Variants in TNIK observed in about 807,000 individuals in gnomAD.
The protein encoded by TNIK is TRAF2 and NCK interacting kinase.
In TNIK, 49 loss-of-function variants were observed where a neutral mutation model predicts 191.3. The observed-to-expected ratio is 0.26, with a 90% CI of 0.20 to 0.32. The LOEUF is 0.32. TNIK is among the 10% of genes least tolerant of loss of function. The pLI, the probability that TNIK is intolerant of heterozygous loss-of-function variation, is 1.00. For synonymous variants in TNIK, 594 were observed against 600.9 expected, an observed-to-expected ratio of 0.99 and a Z score of 0.17; for missense variants, 1,155 against 1,702.3, an observed-to-expected ratio of 0.68 and a Z score of 5.66.
intron 2 of TNIK, among the ~76,000 whole-genome samples, chr3:171,252,005 G>A (rs1337540761): frequency 8.0e-6 from 1 of 125,698 alleles, no homozygotes; most frequent in East Asian, 2.1e-4. Context: ...CATTTTTGAA[G>A]GAAATACGTG....
At chr3:171,434,654 C>A (rs1725802916) in intron 1 of TNIK, among the ~76,000 whole-genome samples, 1 of 151,866 alleles carries the variant, frequency 6.6e-6, no homozygotes, top group African/African-American at 2.4e-5. Flanking sequence ...GAGACAGGGT[C>A]TTTCTATGTT....
intron 4 of TNIK, among the ~76,000 whole-genome samples, chr3:171,202,625 A>T (rs1739556630): frequency 6.6e-6 from 1 of 152,234 alleles, no homozygotes; most frequent in Admixed American, 6.5e-5. Context: ...CTTTGGGACA[A>T]AAGAAGAGAT....
intron 1 of TNIK, among the ~76,000 whole-genome samples, chr3:171,452,055 G>A (rs897037225): frequency 5.3e-5 from 8 of 152,186 alleles, no homozygotes; most frequent in African/African-American, 1.9e-4. Context: ...TAGAGAGACA[G>A]CACTTTAAAA....
intron 7 of TNIK, among the ~76,000 whole-genome samples, chr3:171,178,695 A>G (rs1044115557): frequency 6.6e-6 from 1 of 152,202 alleles, no homozygotes; most frequent in Non-Finnish European, 1.5e-5. Flanking sequence ...CAGATTGGTA[A>G]GAAAATCTAG....
At chr3:171,415,841 C>A (rs1247171731) in intron 1 of TNIK, among the ~76,000 whole-genome samples, 1 of 151,266 alleles carries the variant, frequency 6.6e-6, no homozygotes, top group East Asian at 1.9e-4. Context: ...ATTAGCCAGG[C>A]GTGGTGGCTC....
intron 18 of TNIK, among the ~76,000 whole-genome samples, chr3:171,118,946 A>T (rs1164555122): frequency 6.6e-6 from 1 of 152,246 alleles, no homozygotes; most frequent in Non-Finnish European, 1.5e-5. Flanking sequence ...AATGGGATCT[A>T]ATTAAACTAA....
intron 22 of TNIK, 140 bp from the exon 23 acceptor site, chr3:171,094,108 A>C: frequency 8.7e-7 from 1 of 1,143,356 alleles, no homozygotes; most frequent in Non-Finnish European, 1.2e-6. Flanking sequence ...TTAAGTGTAC[A>C]TGTCAGTGGT....
chr3:171,087,236 A>T, intron 24 of TNIK, 106 bp downstream of exon 24: 2 of 1,502,090 alleles, frequency 1.3e-6, no homozygotes, highest in Non-Finnish European at 1.8e-6. Flanking sequence ...AACCAACCAA[A>T]CAAGTTTCAA....
At chr3:171,327,903 A>AAAAAAAAAAAC (rs1755971247) in intron 2 of TNIK, among the ~76,000 whole-genome samples, 1 of 50,394 alleles carries the variant, frequency 2.0e-5, no homozygotes. Flanking sequence ...TGGCTCATAA[A>AAAAAAAAAAAC]AAAAAAAAAA....
intron 21 of TNIK, chr3:171,101,885 A>C: frequency 2.6e-6 from 1 of 383,318 alleles, no homozygotes; most frequent in Non-Finnish European, 4.6e-6. Context: ...CTGAATATAT[A>C]TGTGTACATA....
In TNIK at chr3:171,108,275, C is replaced by T. The variant is rs1011404465; in HGVS notation, c.2285-113G>A. ...TCACATTGAGATTACTCAGTGGACA[C>T]GTCATTCACCTGGGCAAATCCTCAA... On this transcript the variant is annotated intron_variant, in intron 19 of 32. Coordinates refer to ENST00000436636, the MANE Select transcript of TNIK (RefSeq NM_015028.4). The T allele has an allele frequency of 9.6e-6, 7 of 732,220 alleles. No individual in the cohort carries two copies. In the Admixed American group the frequency reaches 1.8e-4, roughly 19 times the overall value. 45.4% of individuals were successfully genotyped at this position (732,220 alleles called of 1,614,324 possible).
At chr3:171,192,812 A>G (rs982033257) in intron 5 of TNIK, among the ~76,000 whole-genome samples, 1 of 152,240 alleles carries the variant, frequency 6.6e-6, no homozygotes, top group Admixed American at 6.5e-5. Context: ...GATAAACGTC[A>G]GATGTGAAGG....
At chr3:171,424,935 TAACAA>T (rs1336199017) in intron 1 of TNIK, among the ~76,000 whole-genome samples, 3 of 150,784 alleles carry the variant, frequency 2.0e-5, no homozygotes, top group Non-Finnish European at 2.9e-5. Context: ...TATATATATG[TAACAA>T]ACCTGCACGT....
intron 1 of TNIK, among the ~76,000 whole-genome samples, chr3:171,432,955 C>T (rs1397133335): frequency 6.6e-6 from 1 of 152,050 alleles, no homozygotes; most frequent in Admixed American, 6.6e-5. Flanking sequence ...AAATAAGAAG[C>T]ATATAATATT....
chr3:171,255,143 T>C (rs1275283348), intron 2 of TNIK, among the ~76,000 whole-genome samples: 2 of 152,204 alleles, frequency 1.3e-5, no homozygotes, highest in Non-Finnish European at 2.9e-5. Context: ...GGTTGCAATA[T>C]GTTTTATCTG....
chr3:171,336,956 A>G (rs1757017674), intron 2 of TNIK, among the ~76,000 whole-genome samples: 1 of 152,188 alleles, frequency 6.6e-6, no homozygotes, highest in South Asian at 2.1e-4. Flanking sequence ...TGAGAAACAC[A>G]AGAGCTCCTT....
At chr3:171,139,378 G>GCACACACA (rs34521732) in intron 14 of TNIK, 92 bp downstream of exon 14, 42,840 of 686,064 alleles carry the variant, frequency 0.062, 608 homozygotes, top group Middle Eastern at 0.076. Context: ...ACGCACGCGC[G>GCACACACA]CACACACACA....
chr3:171,342,510 C>CA (rs905975187), intron 2 of TNIK, among the ~76,000 whole-genome samples: 129 of 151,132 alleles, frequency 8.5e-4, no homozygotes, highest in Middle Eastern at 6.8e-3. Flanking sequence ...TTTCAAAAAA[C>CA]AAAAAAACAA....
chr3:171,227,226 A>G (rs1003907872), intron 3 of TNIK, among the ~76,000 whole-genome samples: 3 of 152,212 alleles, frequency 2.0e-5, no homozygotes, highest in South Asian at 2.1e-4. Flanking sequence ...CGAAAACATT[A>G]GATTGTATTT....
Sources: allele counts gnomAD v4.1 joint callset (sites outside exome capture counted in the v4.1 genomes callset), GRCh38; gene constraint gnomAD v4.1.1; transcripts MANE v1.5; gene names NCBI Gene and HGNC (gene_info 2026-07-23, HGNC 2026-07-21).